TTLL5: variants seen among roughly 807,000 people sequenced by gnomAD.
The protein encoded by TTLL5 is tubulin polyglutamylase TTLL5.
TTLL5 carries 132 observed loss-of-function variants against 168.4 expected under a neutral mutation model. The ratio of observed to expected loss-of-function variants is 0.78; its 90% CI spans 0.68 to 0.91. The LOEUF (loss-of-function observed/expected upper bound fraction) is 0.91, where lower values mean the gene tolerates loss of function less well. Ranked by LOEUF, TTLL5 falls within the 40% of genes least tolerant of loss-of-function variation. The pLI, the probability that TTLL5 is intolerant of heterozygous loss-of-function variation, is 0.00. For missense variants in TTLL5, 1,545 were observed against 1,581.5 expected (o/e 0.98, Z 0.39); for synonymous variants, 546 against 558.6 (o/e 0.98, Z 0.32).
chr14:75,791,105 C>CAACAAAA (rs1892685158), intron 26 of TTLL5, among the ~76,000 whole-genome samples: 2 of 77,276 alleles, frequency 2.6e-5, no homozygotes, highest in Non-Finnish European at 4.3e-5. Flanking sequence ...GACTCTGTCT[C>CAACAAAA]AAAAAAAAAA....
intron 9 of TTLL5, among the ~76,000 whole-genome samples, chr14:75,714,949 T>G (rs937574966): frequency 1.3e-5 from 2 of 152,234 alleles, no homozygotes; most frequent in Non-Finnish European, 1.5e-5. Flanking sequence ...TATCTGTCTC[T>G]AATGTATTGT....
At chr14:75,669,269 T>C in intron 2 of TTLL5, 147 bp from the exon 3 acceptor site, 1 of 690,136 alleles carries the variant, frequency 1.4e-6, no homozygotes, top group Non-Finnish European at 2.4e-6. Context: ...CAGCTAAGAA[T>C]GGGAGATGTG....
chr14:75,731,380 C>T (rs1418332838), intron 12 of TTLL5, among the ~76,000 whole-genome samples: 3 of 8,536 alleles, frequency 3.5e-4, no homozygotes, highest in Non-Finnish European at 1.6e-3. Context: ...TACATACACA[C>T]ACACACACAC....
At chr14:75,798,753 T>C (rs1595060033) in intron 27 of TTLL5, among the ~76,000 whole-genome samples, 1 of 152,188 alleles carries the variant, frequency 6.6e-6, no homozygotes, top group Non-Finnish European at 1.5e-5. Flanking sequence ...CTATTTAATT[T>C]CCATGTACTT....
intron 17 of TTLL5, among the ~76,000 whole-genome samples, chr14:75,751,130 C>T (rs1889919853): frequency 6.6e-6 from 1 of 152,168 alleles, no homozygotes; most frequent in Non-Finnish European, 1.5e-5. Flanking sequence ...GTCACTTGCT[C>T]ACGTCTTCCA....
chr14:75,764,609 C>A lies in TTLL5; in HGVS notation c.1551-6C>A. The A allele has an allele frequency of 1.2e-6, 2 of 1,613,806 alleles. No homozygotes were observed. Among genetic ancestry groups the A allele is most frequent in the Non-Finnish European group, 1.7e-6 (2 of 1,179,794 alleles). On this transcript the variant is annotated splice_polypyrimidine_tract_variant and splice_region_variant and intron_variant, in intron 18 of 31. Coordinates refer to ENST00000298832, the MANE Select transcript of TTLL5 (RefSeq NM_015072.5). ...GGCCATAGCTACCATGTTGCTTTTC[C>A]CCTAGAATGACTGCTGATGGAGCGC...
At chr14:75,725,631 A>G (rs924015024) in intron 12 of TTLL5, among the ~76,000 whole-genome samples, 8 of 152,146 alleles carry the variant, frequency 5.3e-5, no homozygotes, top group African/African-American at 1.2e-4. Flanking sequence ...TTCTCCACCC[A>G]CATAAAGACA....
At chr14:75,661,960 T>C (rs181746289) in intron 1 of TTLL5, among the ~76,000 whole-genome samples, 11 of 152,290 alleles carry the variant, frequency 7.2e-5, no homozygotes, top group African/African-American at 2.6e-4. Flanking sequence ...CGCTGAGTAA[T>C]TTGGGATTAT....
rs1185971377 is a variant in TTLL5, at chr14:75,941,996, A to G, written c.3824-12428A>G. On this transcript the variant is annotated intron_variant, in intron 31 of 31. Transcript: ENST00000298832. ...GGAGATCAAGACCATCCTGGCTAACATGGTGAAACCCATCTCTACTAAAAA... is the reference window on the plus strand; with the variant it reads ...GGAGATCAAGACCATCCTGGCTAACGTGGTGAAACCCATCTCTACTAAAAA... Among the ~76,000 whole-genome samples, 3 of 147,582 alleles carry G rather than the reference A, an allele frequency of 2.0e-5. No individual in the cohort carries two copies. In the East Asian group the frequency reaches 5.9e-4, roughly 29 times the overall value.
rs775539780 is a variant in TTLL5 at position 75,902,190 on chromosome 14, C to G, written c.3789C>G (p.Asn1263Lys). ...TGAATGGACTCCAGAGCAGCCTTAA[C>G]CCTGCAGCCTTTGTGCCCATCACCA... is the stretch of plus-strand genomic sequence containing the variant. ...GQLNGLQSSL[N>K]PAAFVPITSS... The change falls in exon 31 of 32, where the codon AAC (asparagine) becomes AAG (lysine). Residue 1263 changes from asparagine to lysine, a missense_variant. Coordinates refer to ENST00000298832, the MANE Select transcript of TTLL5 (RefSeq NM_015072.5). 6.2e-7 allele frequency: 1 copy of G among 1,614,176 alleles called. No individual in the cohort carries two copies. The highest frequency in any genetic ancestry group is 8.5e-7 in the Non-Finnish European group (1 of 1,180,026).
chr14:75,823,611 A>G (rs1894956724), intron 28 of TTLL5, among the ~76,000 whole-genome samples: 1 of 152,114 alleles, frequency 6.6e-6, no homozygotes, highest in Non-Finnish European at 1.5e-5. Flanking sequence ...TTGTCATTGA[A>G]TTATTTTTAT....
intron 26 of TTLL5, among the ~76,000 whole-genome samples, chr14:75,792,322 T>C (rs953633750): frequency 6.6e-6 from 1 of 151,504 alleles, no homozygotes; most frequent in African/African-American, 2.4e-5. Flanking sequence ...TGTATACATA[T>C]GTAACAAACC....
chr14:75,896,229 C>CTT, intron 30 of TTLL5, among the ~76,000 whole-genome samples: 1 of 151,428 alleles, frequency 6.6e-6, no homozygotes, highest in East Asian at 1.9e-4. Flanking sequence ...CAGCGTATAC[C>CTT]TGTGTGTGTG....
At position 75,811,291 on chromosome 14, in the gene TTLL5, T is replaced by C. The variant is rs559613881; in HGVS notation, c.3172-8716T>C. On this transcript the variant is annotated intron_variant, in intron 27 of 31. Coordinates refer to ENST00000298832, the MANE Select transcript of TTLL5 (RefSeq NM_015072.5). ...AGCAGGCTTACTGTTGTCTACTAGA[T>C]CAAGGACAGAATCATTAGTCTGACA... Among the ~76,000 whole-genome samples the C allele has an allele frequency of 1.2e-3, 178 of 151,944 alleles. No homozygotes were observed. The Middle Eastern group carries it at 0.024, about 20-fold the overall frequency.
intron 30 of TTLL5, among the ~76,000 whole-genome samples, chr14:75,893,817 CAAAAAAA>C (rs61332109): frequency 2.8e-5 from 2 of 71,620 alleles, no homozygotes; most frequent in African/African-American, 1.2e-4. Flanking sequence ...GACTCCATCT[CAAAAAAA>C]AAAAAAAAAA....
Position 75,863,832 on chromosome 14 carries a change from G to C in TTLL5, c.3492G>C (p.Gln1164His), listed in dbSNP as rs1231751355. 1.3e-6 allele frequency: 2 copies of C among 1,557,446 alleles called. No homozygotes were observed. The highest frequency in any genetic ancestry group is 1.7e-6 in the Non-Finnish European group (2 of 1,150,860). The change falls in exon 29 of 32, where the codon CAG (glutamine) becomes CAC (histidine). Residue 1164 changes from glutamine to histidine, a missense_variant. Physicochemically the swap from Gln to His is conservative, Grantham distance 24. Coordinates refer to ENST00000298832, the MANE Select transcript of TTLL5 (RefSeq NM_015072.5). ...QLEQQKLQSR[Q>H]LLDQSRARHQ... ...AACAACAAAAACTTCAGTCCCGGCA[G>C]CTCCTGGACCAGAGTCGAGCCCGGC...
At chr14:75,743,859 G>T (rs952519782) in intron 15 of TTLL5, among the ~76,000 whole-genome samples, 6 of 152,112 alleles carry the variant, frequency 3.9e-5, no homozygotes, top group Non-Finnish European at 7.4e-5. Context: ...GGGATTACAG[G>T]CATGAGCCAC....
intron 29 of TTLL5, among the ~76,000 whole-genome samples, chr14:75,876,927 AT>A (rs2031523563): frequency 6.6e-6 from 1 of 152,208 alleles, no homozygotes; most frequent in South Asian, 2.1e-4. Flanking sequence ...AAGGTGAGTG[AT>A]TAGTAACTTA....
At chr14:75,710,095 G>A (rs375558759) in intron 9 of TTLL5, 1 of 152,134 alleles carries the variant, frequency 6.6e-6, no homozygotes. Context: ...TTGGACTTTG[G>A]GAATAGAGAA....
Sources: allele counts gnomAD v4.1 joint callset (sites outside exome capture counted in the v4.1 genomes callset), GRCh38; gene constraint gnomAD v4.1.1; transcripts MANE v1.5; gene names NCBI Gene and HGNC (gene_info 2026-07-23, HGNC 2026-07-21).